The following HCN1 variants were observed in gnomAD, a reference collection of about 807,000 sequenced individuals.
HCN1 encodes potassium/sodium hyperpolarization-activated cyclic nucleotide-gated channel 1.
HCN1 carries 13 observed loss-of-function variants against 78.9 expected under a neutral mutation model. That is an observed-to-expected ratio of 0.16 (90% CI 0.11 to 0.26). The LOEUF (loss-of-function observed/expected upper bound fraction) is 0.26, where lower values mean the gene tolerates loss of function less well. Ranked by LOEUF, HCN1 falls within the 10% of genes least tolerant of loss-of-function variation. The pLI is 1.00. For missense variants in HCN1, 810 were observed against 1,154.3 expected, an observed-to-expected ratio of 0.70 and a Z score of 4.32; for synonymous variants, 552 against 455.5, an observed-to-expected ratio of 1.21 and a Z score of -2.70.
intron 2 of HCN1, among the ~76,000 whole-genome samples, chr5:45,632,176 T>C (rs1745280216): frequency 6.6e-6 from 1 of 152,014 alleles, no homozygotes; most frequent in Non-Finnish European, 1.5e-5. Flanking sequence ...TCATACTGGT[T>C]TCCTCAACCT....
intron 5 of HCN1, among the ~76,000 whole-genome samples, chr5:45,320,372 T>C (rs1462670400): frequency 1.3e-5 from 2 of 151,686 alleles, no homozygotes; most frequent in African/African-American, 4.8e-5. Flanking sequence ...GTTTAGGGAG[T>C]TTTTTTGAGG....
At chr5:45,584,845 T>A (rs1362373759) in intron 2 of HCN1, among the ~76,000 whole-genome samples, 1 of 152,200 alleles carries the variant, frequency 6.6e-6, no homozygotes, top group Non-Finnish European at 1.5e-5. Flanking sequence ...TTTAAGAAGT[T>A]TGAATATTGG....
At chr5:45,646,130 G>T (rs1314398621) in intron 1 of HCN1, among the ~76,000 whole-genome samples, 1 of 151,790 alleles carries the variant, frequency 6.6e-6, no homozygotes, top group African/African-American at 2.4e-5. Flanking sequence ...GATTAGTTTT[G>T]CCATGGAATC....
rs140895607 is a variant in HCN1, at chr5:45,674,993, G to A, written c.425+20676C>T. 6.8e-3 allele frequency among the ~76,000 whole-genome samples: 1,026 copies of A among 151,786 alleles called. 7 individuals carry two copies. Among genetic ancestry groups the A allele is most frequent in the African/African-American group, 0.024 (983 of 41,460 alleles). ...AAGTACTTACTATATGTTGTATGTAGGTGGCACATAACTTCAGGATTCCCA... is the reference window on the plus strand; with the variant it reads ...AAGTACTTACTATATGTTGTATGTAAGTGGCACATAACTTCAGGATTCCCA... On this transcript the variant is annotated intron_variant, in intron 1 of 7. Coordinates refer to ENST00000303230, the MANE Select transcript of HCN1 (RefSeq NM_021072.4).
intron 2 of HCN1, among the ~76,000 whole-genome samples, chr5:45,501,456 C>G (rs965650729): frequency 6.6e-6 from 1 of 151,560 alleles, no homozygotes; most frequent in Non-Finnish European, 1.5e-5. Context: ...TTTTTTGAGA[C>G]GGAGTCTTGC....
At chr5:45,507,068 G>C (rs1196594868) in intron 2 of HCN1, among the ~76,000 whole-genome samples, 1 of 152,076 alleles carries the variant, frequency 6.6e-6, no homozygotes, top group East Asian at 1.9e-4. Flanking sequence ...ATTTGTAGAA[G>C]GAATGTTTCA....
intron 2 of HCN1, among the ~76,000 whole-genome samples, chr5:45,597,255 T>C (rs1228080644): frequency 6.6e-6 from 1 of 152,222 alleles, no homozygotes; most frequent in East Asian, 1.9e-4. Context: ...GATGCAAAGC[T>C]GGTTCAACTT....
intron 1 of HCN1, among the ~76,000 whole-genome samples, chr5:45,685,669 G>A (rs1739791063): frequency 6.6e-6 from 1 of 151,736 alleles, no homozygotes; most frequent in African/African-American, 2.4e-5. Context: ...CCAACATCGT[G>A]CCATTGCACT....
At chr5:45,490,240 G>T (rs1025543530) in intron 2 of HCN1, among the ~76,000 whole-genome samples, 15 of 152,130 alleles carry the variant, frequency 9.9e-5, no homozygotes, top group African/African-American at 3.6e-4. Flanking sequence ...AGATACATTT[G>T]CAGGTTAGTC....
Position 45,527,355 on chromosome 5 carries a change from T to A in HCN1, c.850-65348A>T, listed in dbSNP as rs1192984436. Among the ~76,000 whole-genome samples, 2 of 16,022 alleles carry A rather than the reference T, an allele frequency of 1.2e-4. 1 individual carries two copies. Among genetic ancestry groups the A allele is most frequent in the East Asian group, 9.5e-3 (2 of 210 alleles). The allele number at this position is 16,022 out of a possible 152,430, so 10.5% of individuals were successfully genotyped here. On this transcript the variant is annotated intron_variant, in intron 2 of 7. Coordinates refer to ENST00000303230, the MANE Select transcript of HCN1 (RefSeq NM_021072.4). ...GTGGAGATAGGATCTAAACAGAAGC[T>A]TATACCATGTTATCATCAGCTTAAT...
chr5:45,288,764 G>A (rs1309021666), intron 6 of HCN1, among the ~76,000 whole-genome samples: 1 of 152,054 alleles, frequency 6.6e-6, no homozygotes, highest in Non-Finnish European at 1.5e-5. Context: ...GGAGAATCCT[G>A]GTACCATTGC....
intron 2 of HCN1, among the ~76,000 whole-genome samples, chr5:45,529,087 C>A (rs1322177502): frequency 6.6e-6 from 1 of 151,886 alleles, no homozygotes; most frequent in Non-Finnish European, 1.5e-5. Context: ...GGCATTAATG[C>A]TTTTTAAAGT....
At chr5:45,305,596 A>G (rs975330685) in intron 5 of HCN1, among the ~76,000 whole-genome samples, 3 of 152,032 alleles carry the variant, frequency 2.0e-5, no homozygotes, top group Non-Finnish European at 2.9e-5. Context: ...GTGTGGGTCT[A>G]TAACAATGTT....
chr5:45,426,202 A>T (rs1213559486), intron 3 of HCN1, among the ~76,000 whole-genome samples: 6 of 152,224 alleles, frequency 3.9e-5, no homozygotes, highest in African/African-American at 1.4e-4. Context: ...ATTTACATGT[A>T]TGGTGAATAC....
chr5:45,366,440 G>A (rs1243893012), intron 4 of HCN1, among the ~76,000 whole-genome samples: 1 of 151,650 alleles, frequency 6.6e-6, no homozygotes, highest in Admixed American at 6.6e-5. Flanking sequence ...ATATGAAAAT[G>A]CGTTAAAAAC....
intron 1 of HCN1, among the ~76,000 whole-genome samples, chr5:45,686,578 A>G (rs1739813640): frequency 1.3e-5 from 2 of 152,150 alleles, no homozygotes; most frequent in African/African-American, 4.8e-5. Context: ...GTACTGTTGA[A>G]CCAAGCAAGG....
At chr5:45,335,130 AT>A (rs1746427004) in intron 5 of HCN1, among the ~76,000 whole-genome samples, 1 of 151,988 alleles carries the variant, frequency 6.6e-6, no homozygotes, top group East Asian at 1.9e-4. Flanking sequence ...GCTCTTCACA[AT>A]CCATTGTTTA....
At chr5:45,571,375 C>G (rs1367887765) in intron 2 of HCN1, among the ~76,000 whole-genome samples, 3 of 152,122 alleles carry the variant, frequency 2.0e-5, no homozygotes, top group African/African-American at 7.2e-5. Flanking sequence ...AGAGAACACG[C>G]TGTTTTTCTC....
At chr5:45,667,592 A>T (rs1043048827) in intron 1 of HCN1, among the ~76,000 whole-genome samples, 1 of 152,038 alleles carries the variant, frequency 6.6e-6, no homozygotes, top group African/African-American at 2.4e-5. Flanking sequence ...TTTACAGTGA[A>T]TTTTAAAACA....
Sources: allele counts gnomAD v4.1 joint callset (sites outside exome capture counted in the v4.1 genomes callset), GRCh38; gene constraint gnomAD v4.1.1; transcripts MANE v1.5; gene names NCBI Gene and HGNC (gene_info 2026-07-23, HGNC 2026-07-21).